PCDHGB4: variants seen among roughly 807,000 people sequenced by gnomAD.
PCDHGB4 encodes the protein protocadherin gamma-B4.
Under a neutral mutation model 60.5 loss-of-function variants are expected in PCDHGB4, and 38 were observed. The ratio of observed to expected loss-of-function variants is 0.63; its 90% CI spans 0.48 to 0.82. PCDHGB4 has a LOEUF of 0.82. PCDHGB4 is among the 40% of genes least tolerant of loss of function. The pLI is 0.00. For missense variants in PCDHGB4, 1,109 were observed against 1,209.6 expected (o/e 0.92, Z 1.23); for synonymous variants, 456 against 509.7 (o/e 0.89, Z 1.42).
At chr5:141,510,674 GGCAT>G (rs1388331907) in intron 3 of PCDHGB4, among the ~76,000 whole-genome samples, 6 of 152,132 alleles carry the variant, frequency 3.9e-5, no homozygotes, top group Non-Finnish European at 8.8e-5. Flanking sequence ...AAACTGAAGT[GGCAT>G]AAGGAGGTTA....
chr5:141,395,245 T>G (rs1347101527), intron 1 of PCDHGB4: 1 of 1,571,252 alleles, frequency 6.4e-7, no homozygotes, highest in Admixed American at 1.9e-5. Context: ...CAGGTGAGTT[T>G]AGTTCTTTGC....
chr5:141,478,509 G>C, intron 1 of PCDHGB4: 1 of 1,611,878 alleles, frequency 6.2e-7, no homozygotes, highest in Non-Finnish European at 8.5e-7. Context: ...GTGTTCTATA[G>C]GCAGGTGTTG....
chr5:141,470,627 G>A (rs977900352), intron 1 of PCDHGB4, among the ~76,000 whole-genome samples: 3 of 152,154 alleles, frequency 2.0e-5, no homozygotes, highest in Non-Finnish European at 2.9e-5. Flanking sequence ...TGCTTAGATA[G>A]GCCCCCTTGC....
chr5:141,403,687 G>A, intron 1 of PCDHGB4: 1 of 1,613,872 alleles, frequency 6.2e-7, no homozygotes, highest in East Asian at 2.2e-5. Context: ...TTGCTCAACG[G>A]ATTTACCGAG....
Position 141,489,317 on chromosome 5 carries a change from G to T in PCDHGB4, c.2398-5490G>T. ...ATGTTGTCCTTGTGCTGCTGGGGCT[G>T]GGTGTCTGGGCAGCTTCGTTACTCA... is the stretch of plus-strand genomic sequence containing the variant. On this transcript the variant is annotated intron_variant, in intron 1 of 3. Coordinates refer to ENST00000519479, the MANE Select transcript of PCDHGB4 (RefSeq NM_003736.4). The surrounding 1 kb of genome is among the most constrained non-coding windows in gnomAD (Gnocchi z 4.5). 6.3e-7 allele frequency: 1 copy of T among 1,598,654 alleles called. No homozygotes were observed. The highest frequency in any genetic ancestry group is 8.5e-7 in the Non-Finnish European group (1 of 1,171,456).
intron 1 of PCDHGB4, chr5:141,399,349 C>G: frequency 6.2e-7 from 1 of 1,613,932 alleles, no homozygotes; most frequent in Non-Finnish European, 8.5e-7. Context: ...AACCCTAGAC[C>G]GAGAGCAAAC....
chr5:141,409,149 C>T (rs1248646625), intron 1 of PCDHGB4: 1 of 1,613,948 alleles, frequency 6.2e-7, no homozygotes, highest in Non-Finnish European at 8.5e-7. Context: ...GAAAGGTACA[C>T]CATGGAAGTG....
Position 141,390,867 on chromosome 5 carries a change from C to T in PCDHGB4, c.2397+586C>T, listed in dbSNP as rs370388746. On this transcript the variant is annotated intron_variant, in intron 1 of 3. Transcript: ENST00000519479. Reference sequence around the variant, plus strand: ...TTATATGCAGTGTACGCTGTGTGTGCGTGTGTGTGTGTGTGTGTGTGAGAG... The same window carrying T: ...TTATATGCAGTGTACGCTGTGTGTGTGTGTGTGTGTGTGTGTGTGTGAGAG... The T allele has an allele frequency of 2.6e-4, 39 of 151,156 alleles. No homozygotes were observed. In the South Asian group the frequency reaches 4.4e-3, roughly 17 times the overall value. 9.4% of individuals were successfully genotyped at this position (151,156 alleles called of 1,614,324 possible).
chr5:141,478,752 G>A (rs2099475483), intron 1 of PCDHGB4: 2 of 1,521,420 alleles, frequency 1.3e-6, no homozygotes, highest in South Asian at 1.3e-5. Context: ...CATTTCAGGG[G>A]GAAGATACTT....
intron 1 of PCDHGB4, among the ~76,000 whole-genome samples, chr5:141,483,124 G>A (rs1468216170): frequency 6.6e-6 from 1 of 152,154 alleles, no homozygotes; most frequent in East Asian, 1.9e-4. Flanking sequence ...GTCTTTGTAG[G>A]AGATGAGGTG....
At chr5:141,414,406 C>T (rs1315007586) in intron 1 of PCDHGB4, 6 of 1,613,764 alleles carry the variant, frequency 3.7e-6, no homozygotes, top group African/African-American at 2.7e-5. Flanking sequence ...ATTGGTGATA[C>T]ACAGAGCCCT....
chr5:141,468,903 C>T (rs1265804352), intron 1 of PCDHGB4, among the ~76,000 whole-genome samples: 1 of 151,614 alleles, frequency 6.6e-6, no homozygotes, highest in Non-Finnish European at 1.5e-5. Context: ...CTAATATGAT[C>T]CAGACTAGAA....
Position 141,486,775 on chromosome 5 carries a change from G to A in PCDHGB4, c.2398-8032G>A, listed in dbSNP as rs2099634725. On this transcript the variant is annotated intron_variant, in intron 1 of 3. Coordinates refer to ENST00000519479, the MANE Select transcript of PCDHGB4 (RefSeq NM_003736.4). This position sits in a 1 kb window ranked among gnomAD's most constrained non-coding sequence, Gnocchi z 5.0. ...AGCAAACCCAGACACTGCAGTTTGA[G>A]GTGCAGGCCCGGGATCGGGGCAACC... 7 of 1,614,122 alleles carry A rather than the reference G, an allele frequency of 4.3e-6. No individual in the cohort carries two copies. Among genetic ancestry groups the A allele is most frequent in the Non-Finnish European group, 5.9e-6 (7 of 1,180,060 alleles).
chr5:141,408,313 T>C, intron 1 of PCDHGB4: 1 of 1,613,758 alleles, frequency 6.2e-7, no homozygotes, highest in South Asian at 1.1e-5. Context: ...GCTACTCGAT[T>C]CCGGAGGAGC....
chr5:141,495,973 A>C (rs2099764953), intron 2 of PCDHGB4, among the ~76,000 whole-genome samples: 1 of 146,988 alleles, frequency 6.8e-6, no homozygotes, highest in African/African-American at 2.5e-5. Context: ...TTTCTCTGTT[A>C]CTCTTTCTTT....
chr5:141,399,814 C>T, intron 1 of PCDHGB4: 2 of 1,613,238 alleles, frequency 1.2e-6, no homozygotes, highest in Non-Finnish European at 1.7e-6. Context: ...GTACCCCGCG[C>T]TGGGTCCCGA....
chr5:141,444,265 A>G (rs1355824197), intron 1 of PCDHGB4, among the ~76,000 whole-genome samples: 3 of 133,712 alleles, frequency 2.2e-5, no homozygotes, highest in Non-Finnish European at 3.1e-5. Flanking sequence ...TCCGCCTCCC[A>G]GGTTCAAGTG....
chr5:141,401,446 A>G (rs1200787289), intron 1 of PCDHGB4, among the ~76,000 whole-genome samples: 1 of 152,244 alleles, frequency 6.6e-6, no homozygotes, highest in Non-Finnish European at 1.5e-5. Context: ...GAAGGTCCAA[A>G]TCATCCAAAT....
At chr5:141,406,177 A>G (rs929841923) in intron 1 of PCDHGB4, among the ~76,000 whole-genome samples, 2 of 151,308 alleles carry the variant, frequency 1.3e-5, no homozygotes. Flanking sequence ...GGCTTATGCA[A>G]TCCTCCCACC....
Sources: allele counts gnomAD v4.1 joint callset (sites outside exome capture counted in the v4.1 genomes callset), GRCh38; gene constraint gnomAD v4.1.1; non-coding constraint Gnocchi (gnomAD v3.1); transcripts MANE v1.5; gene names NCBI Gene and HGNC (gene_info 2026-07-23, HGNC 2026-07-21).